TRIM3: variants seen among roughly 807,000 people sequenced by gnomAD.
TRIM3 encodes the protein tripartite motif containing 3.
Under a neutral mutation model 66.6 loss-of-function variants are expected in TRIM3, and 13 were observed. The observed-to-expected ratio is 0.20, with a 90% CI of 0.13 to 0.31. The LOEUF is 0.31. Ranked by LOEUF, TRIM3 falls within the 10% of genes least tolerant of loss-of-function variation. The pLI is 1.00. For missense variants in TRIM3, 711 were observed against 1,020.4 expected (o/e 0.70, Z 4.13); for synonymous variants, 406 against 411.7 (o/e 0.99, Z 0.17).
At position 6,457,950 on chromosome 11, in the gene TRIM3, C is replaced by G. The variant is rs931405861; in HGVS notation, c.364-103G>C. 1.3e-6 allele frequency: 2 copies of G among 1,552,372 alleles called. No homozygotes were observed. On this transcript the variant is annotated intron_variant, in intron 3 of 11. Transcript: ENST00000345851. The surrounding 1 kb of genome is among the most constrained non-coding windows in gnomAD (Gnocchi z 4.5). ...CCTCACCTTCTAAGTGCACCCCCTA[C>G]CTGGACCACTAATCCAGAGCAGTAC...
chr11:6,472,612 G>A (rs980641936), intron 1 of TRIM3, among the ~76,000 whole-genome samples: 21 of 152,224 alleles, frequency 1.4e-4, no homozygotes, highest in African/African-American at 5.1e-4. Flanking sequence ...CTAAGTGGCT[G>A]TGGCAGTACC....
rs541613978 is a variant in TRIM3, at chr11:6,449,919, C to T, written c.1942-473G>A. ...TGATCTTCCTGTCTCAGTCTTGCCTCAGCCTGAGTGATCTAAGACACACAG... is the reference window on the plus strand; with the variant it reads ...TGATCTTCCTGTCTCAGTCTTGCCTTAGCCTGAGTGATCTAAGACACACAG... On this transcript the variant is annotated intron_variant, in intron 10 of 11. Coordinates refer to ENST00000345851, the MANE Select transcript of TRIM3 (RefSeq NM_033278.4). This position sits in a 1 kb window ranked among gnomAD's most constrained non-coding sequence, Gnocchi z 5.3. 8 of 164,490 alleles carry T rather than the reference C, an allele frequency of 4.9e-5. No homozygotes were observed. The South Asian group carries it at 1.2e-3, about 24-fold the overall frequency. The allele number at this position is 164,490 out of a possible 1,614,324, so 10.2% of individuals were successfully genotyped here. A position where few individuals can be genotyped will look rare whatever the true frequency, so the allele number is the denominator to read the frequency against.
Position 6,465,850 on chromosome 11 carries a change from C to T in TRIM3, c.-37-118G>A. 9 of 836,358 alleles carry T rather than the reference C, an allele frequency of 1.1e-5. No individual in the cohort carries two copies. The South Asian group carries it at 1.3e-4, about 12-fold the overall frequency. 51.8% of individuals were successfully genotyped at this position (836,358 alleles called of 1,614,324 possible). A position where few individuals can be genotyped will look rare whatever the true frequency, so the allele number is the denominator to read the frequency against. ...CACCTCTTCCCTGCTAGGGGCAAGA[C>T]AGGGCAGTGACTGGAAGGATCAGGG... On this transcript the variant is annotated intron_variant, in intron 1 of 11. Coordinates refer to ENST00000345851, the MANE Select transcript of TRIM3 (RefSeq NM_033278.4).
intron 7 of TRIM3, chr11:6,451,715 C>T (rs1849728244): frequency 7.1e-6 from 3 of 422,654 alleles, no homozygotes; most frequent in South Asian, 5.8e-5. Context: ...GAGGATGCCA[C>T]ATAAACCAAA....
At chr11:6,455,553 G>A (rs1229718326) in intron 7 of TRIM3, among the ~76,000 whole-genome samples, 1 of 152,170 alleles carries the variant, frequency 6.6e-6, no homozygotes, top group African/African-American at 2.4e-5. Context: ...AGAGGCAGTG[G>A]GAGGACCACC....
chr11:6,449,546 C>T lies in TRIM3; in HGVS notation c.1942-100G>A, dbSNP rs1193949865. ...AAGCCCCAGGGCTGAGAACCCCCACCCAGATCTACAGCTACAGCCCAAATC... is the reference window on the plus strand; with the variant it reads ...AAGCCCCAGGGCTGAGAACCCCCACTCAGATCTACAGCTACAGCCCAAATC... On this transcript the variant is annotated intron_variant, in intron 10 of 11. Transcript: ENST00000345851. The surrounding 1 kb of genome is among the most constrained non-coding windows in gnomAD (Gnocchi z 5.3). The T allele has an allele frequency of 8.2e-7, 1 of 1,221,278 alleles. No individual in the cohort carries two copies. The highest frequency in any genetic ancestry group is 1.5e-5 in the African/African-American group (1 of 65,626). The allele number at this position is 1,221,278 out of a possible 1,614,324, so 75.7% of individuals were successfully genotyped here.
intron 7 of TRIM3, 89 bp downstream of exon 7, chr11:6,455,983 G>A: frequency 7.8e-7 from 1 of 1,286,370 alleles, no homozygotes; most frequent in East Asian, 2.3e-5. Flanking sequence ...CCATCTTCCA[G>A]GAGGTGACCT....
intron 2 of TRIM3, among the ~76,000 whole-genome samples, chr11:6,464,942 G>A (rs1015687687): frequency 1.9e-4 from 26 of 134,682 alleles, no homozygotes; most frequent in Non-Finnish European, 3.2e-4. Context: ...AGCCGAGATC[G>A]TGCCACTACA....
At chr11:6,463,896 C>T (rs1211045975) in intron 2 of TRIM3, among the ~76,000 whole-genome samples, 1 of 152,136 alleles carries the variant, frequency 6.6e-6, no homozygotes, top group African/African-American at 2.4e-5. Flanking sequence ...GAGGCCATTT[C>T]CAGTTGATAA....
At chr11:6,473,071 C>T (rs1390930241) in intron 1 of TRIM3, 1 of 152,642 alleles carries the variant, frequency 6.6e-6, no homozygotes, top group Non-Finnish European at 1.5e-5. Context: ...GGCCTGCCCT[C>T]AGTCGAACTG....
chr11:6,449,240 G>C lies in TRIM3; in HGVS notation c.2083-60C>G. On this transcript the variant is annotated intron_variant, in intron 11 of 11. Transcript: ENST00000345851. The surrounding 1 kb of genome is among the most constrained non-coding windows in gnomAD (Gnocchi z 5.3). ...GATCAGGCAGATGAGAGTCTGTTTT[G>C]GGGGAACGGGCATATGGGACACACC... 3 of 1,609,666 alleles carry C rather than the reference G, an allele frequency of 1.9e-6. No homozygotes were observed. In the East Asian group the frequency reaches 6.7e-5, roughly 36 times the overall value.
At chr11:6,463,837 G>A (rs1850338910) in intron 2 of TRIM3, among the ~76,000 whole-genome samples, 1 of 152,210 alleles carries the variant, frequency 6.6e-6, no homozygotes, top group Admixed American at 6.5e-5. Flanking sequence ...AGGCACAAGA[G>A]GGTGGTTGTC....
intron 7 of TRIM3, among the ~76,000 whole-genome samples, chr11:6,453,869 GA>G (rs1006975618): frequency 2.0e-4 from 30 of 152,314 alleles, no homozygotes; most frequent in South Asian, 6.2e-4. Flanking sequence ...GGAGGAGGGG[GA>G]TCAGACCTCA....
At chr11:6,470,394 T>G (rs1254903410) in intron 1 of TRIM3, among the ~76,000 whole-genome samples, 3 of 152,068 alleles carry the variant, frequency 2.0e-5, no homozygotes, top group African/African-American at 7.2e-5. Flanking sequence ...TCTTTTAAGG[T>G]TTTTTCAGTT....
intron 2 of TRIM3, among the ~76,000 whole-genome samples, chr11:6,460,358 G>A (rs1850173101): frequency 6.6e-6 from 1 of 152,156 alleles, no homozygotes; most frequent in Admixed American, 6.5e-5. Flanking sequence ...TGAGGGGTTG[G>A]ATGGTGCTAG....
In TRIM3 at chr11:6,457,370, G is replaced by A. The variant is rs550337750; in HGVS notation, c.622C>T (p.Leu208=). Residue 208 remains leucine, a synonymous_variant, in exon 5 of 12, where the codon CTG becomes TTG. Transcript: ENST00000345851. This position sits in a 1 kb window ranked among gnomAD's most constrained non-coding sequence, Gnocchi z 4.5. ...LAQISAAFED[L]EQALQQRKQA... ...TTGCGCTGCTGCAGTGCTTGCTCCA[G>A]GTCCTCGAACGCTGCACTGATCTGG... is the stretch of plus-strand genomic sequence containing the variant. The A allele has an allele frequency of 1.3e-4, 212 of 1,613,930 alleles. 4 individuals are homozygous for A. In the South Asian group the frequency reaches 2.2e-3, roughly 16 times the overall value.
Position 6,463,610 on chromosome 11 carries a change from C to T in TRIM3, c.131+1955G>A, listed in dbSNP as rs74961578. Among the ~76,000 whole-genome samples the T allele has an allele frequency of 2.2e-4, 33 of 152,300 alleles. No homozygotes were observed. The South Asian group carries it at 3.9e-3, about 18-fold the overall frequency. Reference sequence around the variant, plus strand: ...GAAAGACAGGGAGGCCAGGACGCAGCTGGTGACTGGGAAAAGAGGGAGCAG... The same window carrying T: ...GAAAGACAGGGAGGCCAGGACGCAGTTGGTGACTGGGAAAAGAGGGAGCAG... On this transcript the variant is annotated intron_variant, in intron 2 of 11. Coordinates refer to ENST00000345851, the MANE Select transcript of TRIM3 (RefSeq NM_033278.4).
At position 6,462,023 on chromosome 11, in the gene TRIM3, T is replaced by C. The variant is rs186960024; in HGVS notation, c.131+3542A>G. 5.3e-5 allele frequency among the ~76,000 whole-genome samples: 8 copies of C among 152,350 alleles called. No individual in the cohort carries two copies. In the East Asian group the frequency reaches 1.2e-3, roughly 22 times the overall value. The stretch of plus-strand genomic sequence containing the variant: ...CCACACTGGTTTCTTTTCTGGTATC[T>C]GAACATGTCCTGTCTACTTCTTCCT... On this transcript the variant is annotated intron_variant, in intron 2 of 11. Coordinates refer to ENST00000345851, the MANE Select transcript of TRIM3 (RefSeq NM_033278.4).
At chr11:6,455,595 C>T (rs144053629) in intron 7 of TRIM3, among the ~76,000 whole-genome samples, 13 of 152,276 alleles carry the variant, frequency 8.5e-5, no homozygotes, top group African/African-American at 2.9e-4. Flanking sequence ...AAAGATACCC[C>T]CTTTGGCCAA....
Sources: gnomAD v4.1 joint callset for allele counts (sites outside exome capture counted in the v4.1 genomes callset) on GRCh38, gnomAD v4.1.1 for gene constraint, Gnocchi (gnomAD v3.1) non-coding constraint, MANE v1.5 for transcripts, NCBI Gene and HGNC (gene_info 2026-07-23, HGNC 2026-07-21) for gene names.